Variants in CACNA1D observed in about 807,000 individuals in gnomAD.
The protein encoded by CACNA1D is calcium voltage-gated channel subunit alpha1 D.
Under a neutral mutation model 257.1 loss-of-function variants are expected in CACNA1D, and 55 were observed. The ratio of observed to expected loss-of-function variants is 0.21; its 90% CI spans 0.17 to 0.27. The LOEUF (loss-of-function observed/expected upper bound fraction) is 0.27, where lower values mean the gene tolerates loss of function less well. Among genes scored for constraint, CACNA1D ranks in the 10% least tolerant of loss-of-function variants. The pLI is 1.00. For synonymous variants in CACNA1D, 980 were observed against 1,014.9 expected (o/e 0.97, Z 0.65); for missense variants, 1,876 against 2,784.0 (o/e 0.67, Z 7.34).
chr3:53,699,636 T>G lies in CACNA1D; in HGVS notation c.1221-3005T>G, dbSNP rs191920183. On this transcript the variant is annotated intron_variant, in intron 8 of 47. Coordinates refer to ENST00000350061, the MANE Select transcript of CACNA1D (RefSeq NM_001128840.3). The stretch of plus-strand genomic sequence containing the variant: ...TGCCCCCTTCCTCCATCCTGCCCTG[T>G]GGCCAACAGATTTCTACTGTATAAA... Among the ~76,000 whole-genome samples the G allele has an allele frequency of 3.0e-4, 46 of 152,344 alleles. No individual in the cohort carries two copies. The East Asian group carries it at 8.3e-3, about 27-fold the overall frequency.
rs2108762409 is a variant in CACNA1D at position 53,731,095 on chromosome 3, T to C, written c.2355T>C (p.Asn785=). The change falls in exon 17 of 48, where the codon AAT becomes AAC. Residue 785 remains asparagine (N), a synonymous_variant. Transcript: ENST00000350061. ...TCTTTAGAAAAGAGAGCCTAGAAAA[T>C]AAAAAGAACAACAAACCAGAAGTCA... ...KKIARKESLE[N]KKNNKPEVNQ... is the part of the protein sequence containing the mutation. 1 of 1,608,996 alleles carries C rather than the reference T, an allele frequency of 6.2e-7. No individual in the cohort carries two copies. Among genetic ancestry groups the C allele is most frequent in the Non-Finnish European group, 8.5e-7 (1 of 1,175,426 alleles).
chr3:53,721,397 T>A (rs2094881432), intron 11 of CACNA1D, among the ~76,000 whole-genome samples: 1 of 152,188 alleles, frequency 6.6e-6, no homozygotes, highest in Non-Finnish European at 1.5e-5. Flanking sequence ...TTGTCGTTAG[T>A]GAGGCAGCAC....
chr3:53,538,573 G>A (rs1046338074), intron 3 of CACNA1D, among the ~76,000 whole-genome samples: 3 of 152,182 alleles, frequency 2.0e-5, no homozygotes, highest in Non-Finnish European at 4.4e-5. Context: ...GTGTTCTGCT[G>A]AAGTTACTGA....
At chr3:53,804,266 C>T (rs1044407558) in intron 44 of CACNA1D, among the ~76,000 whole-genome samples, 8 of 152,178 alleles carry the variant, frequency 5.3e-5, no homozygotes, top group African/African-American at 1.7e-4. Flanking sequence ...GCCTGACCCT[C>T]ACCCTCTGCT....
Position 53,780,064 on chromosome 3 carries a change from G to A in CACNA1D, c.4626G>A (p.Gly1542=). 1 of 1,614,134 alleles carries A rather than the reference G, an allele frequency of 6.2e-7. No individual in the cohort carries two copies. The highest frequency in any genetic ancestry group is 8.5e-7 in the Non-Finnish European group (1 of 1,179,962). The change falls in exon 38 of 48, where the codon GGG becomes GGA. Residue 1542 remains glycine (G), a synonymous_variant. Coordinates refer to ENST00000350061, the MANE Select transcript of CACNA1D (RefSeq NM_001128840.3). ...TGAACATGCCTCTCAACAGTGACGGGACAGTCATGTTTAATGCAACCCTGT... is the reference window on the plus strand; with the variant it reads ...TGAACATGCCTCTCAACAGTGACGGAACAGTCATGTTTAATGCAACCCTGT... ...VAMNMPLNSD[G]TVMFNATLFA...
chr3:53,669,723 C>G (rs1317260449), intron 7 of CACNA1D, among the ~76,000 whole-genome samples: 1 of 152,160 alleles, frequency 6.6e-6, no homozygotes, highest in South Asian at 2.1e-4. Flanking sequence ...TCATTAAGTT[C>G]TGGTGGAAAG....
chr3:53,715,079 G>A (rs2094804315), intron 9 of CACNA1D, among the ~76,000 whole-genome samples: 1 of 152,142 alleles, frequency 6.6e-6, no homozygotes, highest in Non-Finnish European at 1.5e-5. Context: ...TTTGGAAAAG[G>A]ATCCTGTGAT....
intron 42 of CACNA1D, 140 bp from the exon 43 acceptor site, chr3:53,802,007 G>A (rs959298521): frequency 1.0e-5 from 8 of 786,494 alleles, no homozygotes; most frequent in South Asian, 9.6e-5. Context: ...ACAAGGCCAG[G>A]TGGCAGCCCC....
At position 53,783,387 on chromosome 3, in the gene CACNA1D, C is replaced by T. The variant is rs548978739; in HGVS notation, c.4792+1720C>T. On this transcript the variant is annotated intron_variant, in intron 39 of 47. Coordinates refer to ENST00000350061, the MANE Select transcript of CACNA1D (RefSeq NM_001128840.3). Reference sequence around the variant, plus strand: ...ATCAACTTTTAGCTTTATCAGACTTCTAGTAGAGTAGAAATCTTCTTCTTT... The same window carrying T: ...ATCAACTTTTAGCTTTATCAGACTTTTAGTAGAGTAGAAATCTTCTTCTTT... Among the ~76,000 whole-genome samples the T allele has an allele frequency of 3.3e-5, 5 of 152,378 alleles. No individual in the cohort carries two copies. In the East Asian group the frequency reaches 5.8e-4, roughly 18 times the overall value.
intron 8 of CACNA1D, among the ~76,000 whole-genome samples, chr3:53,697,744 A>G (rs911554994): frequency 6.6e-6 from 1 of 152,204 alleles, no homozygotes; most frequent in Non-Finnish European, 1.5e-5. Context: ...ATAATTTATT[A>G]CTGTCCTTAG....
intron 3 of CACNA1D, among the ~76,000 whole-genome samples, chr3:53,571,606 G>A (rs2092945322): frequency 6.6e-6 from 1 of 152,108 alleles, no homozygotes; most frequent in Admixed American, 6.5e-5. Context: ...TAGAGGTGGG[G>A]GAGCTGGAAA....
intron 3 of CACNA1D, among the ~76,000 whole-genome samples, chr3:53,558,742 A>G (rs1282099322): frequency 1.3e-5 from 2 of 152,054 alleles, no homozygotes; most frequent in Non-Finnish European, 1.5e-5. Context: ...AATTCAAATC[A>G]TTCTTCTCTA....
Position 53,801,039 on chromosome 3 carries a change from G to A in CACNA1D, c.5041-19G>A. 1 of 1,613,216 alleles carries A rather than the reference G, an allele frequency of 6.2e-7. No individual in the cohort carries two copies. Among genetic ancestry groups the A allele is most frequent in the Non-Finnish European group, 8.5e-7 (1 of 1,179,268 alleles). On this transcript the variant is annotated intron_variant, in intron 41 of 47. Coordinates refer to ENST00000350061, the MANE Select transcript of CACNA1D (RefSeq NM_001128840.3). ...AATACTTGTTAAATTACCTGGTGTT[G>A]TCTCCCATTATTTTGCAGAGAAATG...
chr3:53,643,710 C>T (rs182111793), intron 3 of CACNA1D, among the ~76,000 whole-genome samples: 144 of 152,344 alleles, frequency 9.5e-4, no homozygotes, highest in African/African-American at 3.3e-3. Context: ...GACCAAACCC[C>T]GTACCGTGGC....
intron 15 of CACNA1D, among the ~76,000 whole-genome samples, chr3:53,728,177 C>T (rs1427313450): frequency 2.6e-5 from 4 of 152,154 alleles, no homozygotes; most frequent in African/African-American, 9.7e-5. Flanking sequence ...CTCTGTCACG[C>T]AGGCTGGATG....
chr3:53,712,550 G>T (rs925043712), intron 9 of CACNA1D, among the ~76,000 whole-genome samples: 1 of 152,142 alleles, frequency 6.6e-6, no homozygotes, highest in Non-Finnish European at 1.5e-5. Flanking sequence ...GCCTTTAGGG[G>T]GTGTGTGGGC....
At chr3:53,581,750 A>G (rs1188586471) in intron 3 of CACNA1D, among the ~76,000 whole-genome samples, 3 of 152,222 alleles carry the variant, frequency 2.0e-5, no homozygotes. Context: ...GCTAGAACTC[A>G]GAAATGTGCT....
chr3:53,607,345 A>G (rs747297343), intron 3 of CACNA1D, among the ~76,000 whole-genome samples: 3 of 152,240 alleles, frequency 2.0e-5, no homozygotes, highest in Non-Finnish European at 4.4e-5. Context: ...TGACTTTAAG[A>G]TAGGAAAATT....
rs920331494 is a variant in CACNA1D, at chr3:53,789,855, T to A, written c.4923+2903T>A. ...ATACGCACTGTGGTTTTGAACCCTG[T>A]GGGCTCCATCTGATCTCCCTGTGTT... On this transcript the variant is annotated intron_variant, in intron 40 of 47. Transcript: ENST00000350061. This position sits in a 1 kb window ranked among gnomAD's most constrained non-coding sequence, Gnocchi z 4.2. Among the ~76,000 whole-genome samples the A allele has an allele frequency of 1.3e-5, 2 of 152,320 alleles. No individual in the cohort carries two copies. Among genetic ancestry groups the A allele is most frequent in the South Asian group, 4.1e-4 (2 of 4,824 alleles).
Sources: gnomAD v4.1 joint callset for allele counts (sites outside exome capture counted in the v4.1 genomes callset) on GRCh38, gnomAD v4.1.1 for gene constraint, Gnocchi (gnomAD v3.1) non-coding constraint, MANE v1.5 for transcripts, NCBI Gene and HGNC (gene_info 2026-07-23, HGNC 2026-07-21) for gene names.